Variants in RPAP1 observed in about 807,000 individuals in gnomAD.
The protein encoded by RPAP1 is RNA polymerase II associated protein 1.
In RPAP1, 109 loss-of-function variants were observed where a neutral mutation model predicts 142.4. The observed-to-expected ratio is 0.77, with a 90% CI of 0.66 to 0.90. RPAP1 has a LOEUF of 0.90. Among genes scored for constraint, RPAP1 ranks in the 40% least tolerant of loss-of-function variants. The pLI is 0.00. For synonymous variants in RPAP1, 704 were observed against 738.9 expected (o/e 0.95, Z 0.77); for missense variants, 1,546 against 1,751.7 (o/e 0.88, Z 2.10).
intron 6 of RPAP1, 95 bp from the exon 7 acceptor site, chr15:41,531,297 G>A (rs2051845081): frequency 4.8e-6 from 6 of 1,257,448 alleles, no homozygotes; most frequent in Non-Finnish European, 5.6e-6. Flanking sequence ...GTCTGTGGGT[G>A]CCAAGGACAG....
chr15:41,520,469 C>T lies in RPAP1; in HGVS notation c.3717G>A (p.Arg1239=). ...GGGCAAGGCGCAAGGTGACACTGAA[C>T]CGACGCTGCAGGGGCAGGAGGACCA... is the stretch of plus-strand genomic sequence containing the variant. The part of the protein sequence containing the change: ...GALVLLPLQR[R]FSVTLRLALF... The change falls in exon 22 of 25, where the codon CGG becomes CGA. Residue 1239 remains arginine, a synonymous_variant. Transcript: ENST00000304330. 2 of 1,614,090 alleles carry T rather than the reference C, an allele frequency of 1.2e-6. No homozygotes were observed. Among genetic ancestry groups the T allele is most frequent in the Non-Finnish European group, 1.7e-6 (2 of 1,179,994 alleles).
At chr15:41,523,575 G>A (rs919263999) in intron 17 of RPAP1, among the ~76,000 whole-genome samples, 196 bp downstream of exon 17, 1 of 152,224 alleles carries the variant, frequency 6.6e-6, no homozygotes, top group Non-Finnish European at 1.5e-5. Flanking sequence ...GGGCTCTCTG[G>A]TCCCCACCAA....
At position 41,517,532 on chromosome 15, in the gene RPAP1, A is replaced by T; in HGVS notation, c.*10T>A. 1 of 1,534,604 alleles carries T rather than the reference A, an allele frequency of 6.5e-7. No homozygotes were observed. The highest frequency in any genetic ancestry group is 8.8e-7 in the Non-Finnish European group (1 of 1,141,106). ...ACAACGTACCCATCTTTCCATCTAT[A>T]TCAACTATCCTAGGTCTCTGATACC... On this transcript the variant is annotated 3_prime_UTR_variant, in exon 25 of 25. Coordinates refer to ENST00000304330, the MANE Select transcript of RPAP1 (RefSeq NM_015540.4).
Position 41,534,909 on chromosome 15 carries a change from G to C in RPAP1, c.568C>G (p.Pro190Ala), listed in dbSNP as rs773248248. ...EGAVTCETPT[P>A]RNQGCQLPGS... ...GGAAGCTGGCAGCCCTGGTTCCTAGGAGTGGGTGTCTCACAGGTCACGGCA... is the reference window on the plus strand; with the variant it reads ...GGAAGCTGGCAGCCCTGGTTCCTAGCAGTGGGTGTCTCACAGGTCACGGCA... Residue 190 changes from proline to alanine, a missense_variant, in exon 6 of 25, where the codon CCT (proline) becomes GCT (alanine). Physicochemically the swap from Pro to Ala is conservative, Grantham distance 27. This residue lies in a region of RPAP1 where 1,333 missense variants were observed against 1,486.6 expected (regional missense o/e 0.90). Transcript: ENST00000304330. 4 of 1,614,152 alleles carry C rather than the reference G, an allele frequency of 2.5e-6. No homozygotes were observed. The highest frequency in any genetic ancestry group is 1.1e-5 in the South Asian group (1 of 91,082).
At chr15:41,540,936 C>T (rs2051966361) in intron 1 of RPAP1, among the ~76,000 whole-genome samples, 1 of 152,142 alleles carries the variant, frequency 6.6e-6, no homozygotes, top group Non-Finnish European at 1.5e-5. Flanking sequence ...GGATGTTTAG[C>T]GGCATTCCTG....
In RPAP1 at chr15:41,523,885, A is replaced by G. The variant is rs764760463; in HGVS notation, c.2322T>C (p.Cys774=). Reference sequence around the variant, plus strand: ...ACAGCAACTTCAAGGTCTGCCTTAGACACGGCTCAACAAGAGGCTGGAGCC... The same window carrying G: ...ACAGCAACTTCAAGGTCTGCCTTAGGCACGGCTCAACAAGAGGCTGGAGCC... ...VSGLQPLVEP[C]LRQTLKLLSR... The change falls in exon 17 of 25, where the codon TGT becomes TGC. Residue 774 remains cysteine (C), a synonymous_variant. Coordinates refer to ENST00000304330, the MANE Select transcript of RPAP1 (RefSeq NM_015540.4). 1.2e-6 allele frequency: 2 copies of G among 1,607,716 alleles called. No homozygotes were observed. The highest frequency in any genetic ancestry group is 2.2e-5 in the East Asian group (1 of 44,650).
chr15:41,528,022 C>T lies in RPAP1; in HGVS notation c.1266G>A (p.Gln422=), dbSNP rs2051813139. ...CTAGCCGGTCCCCAAACTCACCAGC[C>T]TGGGCCTGAGGGCAGGAGGGTAAAA... The part of the protein sequence containing the change: ...HVLAQVISRA[Q]AGEFGDRLAG... Residue 422 remains glutamine (Q), a synonymous_variant, in exon 11 of 25, where the codon CAG becomes CAA. Coordinates refer to ENST00000304330, the MANE Select transcript of RPAP1 (RefSeq NM_015540.4). The T allele has an allele frequency of 6.2e-7, 1 of 1,613,830 alleles. No homozygotes were observed. The highest frequency in any genetic ancestry group is 2.2e-5 in the East Asian group (1 of 44,882).
rs1292094303 is a variant in RPAP1 at position 41,536,540 on chromosome 15, C to T, written c.291G>A (p.Arg97=). 6.2e-7 allele frequency: 1 copy of T among 1,614,208 alleles called. No homozygotes were observed. Among genetic ancestry groups the T allele is most frequent in the Non-Finnish European group, 8.5e-7 (1 of 1,180,046 alleles). Residue 97 remains arginine, a synonymous_variant, in exon 3 of 25, where the codon AGG becomes AGA. Coordinates refer to ENST00000304330, the MANE Select transcript of RPAP1 (RefSeq NM_015540.4). ...AGACAGCAGTGATGTGCTGATCATG[C>T]CTCCTCAGCCTCTCTTCTGGGTCCT... The part of the protein sequence containing the change: ...EDEDPEERLR[R]HDQHITAVLT...
chr15:41,528,307 G>A lies in RPAP1; in HGVS notation c.1188C>T (p.Phe396=). The A allele has an allele frequency of 1.2e-6, 2 of 1,602,698 alleles. No individual in the cohort carries two copies. The highest frequency in any genetic ancestry group is 1.7e-6 in the Non-Finnish European group (2 of 1,174,166). ...ERAGYSLQEL[F]HLTRSQVSQQ... ...GGGAAACCTGGCTGCGGGTCAGGTG[G>A]AACAGCTCCTGTAGGGAATACCCCG... The change falls in exon 10 of 25, where the codon TTC becomes TTT. Residue 396 remains phenylalanine (F), a synonymous_variant. Transcript: ENST00000304330.
intron 1 of RPAP1, among the ~76,000 whole-genome samples, chr15:41,541,985 G>T (rs1176801120): frequency 6.6e-6 from 1 of 152,108 alleles, no homozygotes; most frequent in Non-Finnish European, 1.5e-5. Flanking sequence ...GGGTAGAAAT[G>T]GTGAAACAAT....
rs1008546733 is a variant in RPAP1 at position 41,520,714 on chromosome 15, G to A, written c.3472C>T (p.Arg1158Trp). The A allele has an allele frequency of 1.2e-6, 2 of 1,614,054 alleles. No individual in the cohort carries two copies. Among genetic ancestry groups the A allele is most frequent in the East Asian group, 2.2e-5 (1 of 44,874 alleles). ...TCCACCAGGAACACACACATGAGCC[G>A]TGCCAGGCGGGCAGCAGGGGGCACA... ...WAVPPAARLARLMCVFLVDSE... is the reference protein window; with the variant it reads ...WAVPPAARLAWLMCVFLVDSE... The change falls in exon 22 of 25, where the codon CGG becomes TGG. Residue 1158 changes from arginine (R) to tryptophan (W), a missense_variant. This residue lies in a region of RPAP1 where 1,333 missense variants were observed against 1,486.6 expected (regional missense o/e 0.90). Coordinates refer to ENST00000304330, the MANE Select transcript of RPAP1 (RefSeq NM_015540.4).
At position 41,527,410 on chromosome 15, in the gene RPAP1, G is replaced by C; in HGVS notation, c.1611+13C>G. 2 of 1,613,950 alleles carry C rather than the reference G, an allele frequency of 1.2e-6. No individual in the cohort carries two copies. The highest frequency in any genetic ancestry group is 1.7e-6 in the Non-Finnish European group (2 of 1,179,948). On this transcript the variant is annotated intron_variant, in intron 12 of 24. Coordinates refer to ENST00000304330, the MANE Select transcript of RPAP1 (RefSeq NM_015540.4). ...CCCTGGGCCATGGGATGGGAAAGAA[G>C]CTGTCCCTTTACCTTGATGACATCA...
chr15:41,529,618 C>G, intron 8 of RPAP1, 50 bp from the exon 9 acceptor site: 1 of 1,303,002 alleles, frequency 7.7e-7, no homozygotes, highest in Non-Finnish European at 1.1e-6. Context: ...AGCAACCTTC[C>G]CACACCCACT....
intron 6 of RPAP1, among the ~76,000 whole-genome samples, chr15:41,531,600 CATATATATATAT>C (rs779055706): frequency 4.4e-4 from 30 of 67,636 alleles, no homozygotes; most frequent in African/African-American, 1.5e-3. Context: ...TGCACACACA[CATATATATATAT>C]ATATATATAT....
chr15:41,536,176 T>C lies in RPAP1; in HGVS notation c.373A>G (p.Ser125Gly), dbSNP rs769999912. The C allele has an allele frequency of 6.2e-7, 1 of 1,614,136 alleles. No individual in the cohort carries two copies. Among genetic ancestry groups the C allele is most frequent in the Non-Finnish European group, 8.5e-7 (1 of 1,180,016 alleles). The change falls in exon 4 of 25, where the codon AGT becomes GGT. Residue 125 changes from serine (S) to glycine (G), a missense_variant. Ser to Gly is a moderately conservative substitution (Grantham distance 56, BLOSUM62 0). This residue lies in a region of RPAP1 where 1,333 missense variants were observed against 1,486.6 expected (regional missense o/e 0.90). Coordinates refer to ENST00000304330, the MANE Select transcript of RPAP1 (RefSeq NM_015540.4). ...SSVAVNLPVP[S>G]GVAFPAVFLR... The stretch of plus-strand genomic sequence containing the variant: ...AACACAGCAGGGAAAGCAACACCAC[T>C]GGGCACAGGCAGATTCACGGCCACT...
At position 41,523,836 on chromosome 15, in the gene RPAP1, C is replaced by T. The variant is rs774775727; in HGVS notation, c.2371G>A (p.Val791Met). The change falls in exon 17 of 25, where the codon GTG becomes ATG. Residue 791 changes from valine (V) to methionine (M), a missense_variant. Coordinates refer to ENST00000304330, the MANE Select transcript of RPAP1 (RefSeq NM_015540.4). ...AGGCAGGCAACGGGCACTGGGCCCA[C>T]GGCTCTCCACATCTCAGGTCTGGAC... ...LLSRPEMWRA[V>M]GPVPVACLLF... 13 of 1,609,148 alleles carry T rather than the reference C, an allele frequency of 8.1e-6. No individual in the cohort carries two copies. Among genetic ancestry groups the T allele is most frequent in the African/African-American group, 4.0e-5 (3 of 74,808 alleles).
intron 20 of RPAP1, 55 bp downstream of exon 20, chr15:41,522,040 CAGA>C: frequency 6.3e-7 from 1 of 1,595,046 alleles, no homozygotes; most frequent in East Asian, 2.2e-5. Flanking sequence ...CTGGGTTCCA[CAGA>C]AACAGGAAGG....
Position 41,520,497 on chromosome 15 carries a change from G to T in RPAP1, c.3689C>A (p.Ala1230Asp), listed in dbSNP as rs779461223. The T allele has an allele frequency of 6.2e-7, 1 of 1,614,106 alleles. No homozygotes were observed. Among genetic ancestry groups the T allele is most frequent in the Non-Finnish European group, 8.5e-7 (1 of 1,179,996 alleles). ...AVSFGDHLFGALVLLPLQRRF... is the reference protein window; with the variant it reads ...AVSFGDHLFGDLVLLPLQRRF... ...ACGCTGCAGGGGCAGGAGGACCAGG[G>T]CCCCAAAGAGGTGGTCCCCAAAAGA... The change falls in exon 22 of 25, where the codon GCC becomes GAC. Residue 1230 changes from alanine (A) to aspartate (D), a missense_variant. Transcript: ENST00000304330.
rs762992843 is a variant in RPAP1 at position 41,534,911 on chromosome 15, G to C, written c.566C>G (p.Thr189Ser). 1 of 1,614,186 alleles carries C rather than the reference G, an allele frequency of 6.2e-7. No individual in the cohort carries two copies. Residue 189 changes from threonine to serine, a missense_variant, in exon 6 of 25, where the codon ACT (threonine) becomes AGT (serine). Physicochemically the swap from Thr to Ser is moderately conservative, Grantham distance 58. This residue lies in a region of RPAP1 where 1,333 missense variants were observed against 1,486.6 expected (regional missense o/e 0.90). Coordinates refer to ENST00000304330, the MANE Select transcript of RPAP1 (RefSeq NM_015540.4). ...PEGAVTCETP[T>S]PRNQGCQLPG... ...AAGCTGGCAGCCCTGGTTCCTAGGAGTGGGTGTCTCACAGGTCACGGCACC... is the reference window on the plus strand; with the variant it reads ...AAGCTGGCAGCCCTGGTTCCTAGGACTGGGTGTCTCACAGGTCACGGCACC...
Sources: allele counts gnomAD v4.1 joint callset (sites outside exome capture counted in the v4.1 genomes callset), GRCh38; gene constraint gnomAD v4.1.1; regional missense constraint gnomAD v4.1.1; transcripts MANE v1.5; gene names NCBI Gene and HGNC (gene_info 2026-07-23, HGNC 2026-07-21).